The following SORL1 variants were observed in gnomAD, a reference collection of about 807,000 sequenced individuals.
SORL1 encodes sortilin related receptor 1.
SORL1 carries 127 observed loss-of-function variants against 273.7 expected under a neutral mutation model. The observed-to-expected ratio is 0.46, with a 90% CI of 0.40 to 0.54. SORL1 has a LOEUF of 0.54. SORL1 is among the 20% of genes least tolerant of loss of function. SORL1 has a pLI of 0.00. For synonymous variants in SORL1, 1,031 were observed against 1,067.4 expected (o/e 0.97, Z 0.66); for missense variants, 2,494 against 2,846.1 (o/e 0.88, Z 2.81).
At chr11:121,610,762 T>A in intron 38 of SORL1, 1 of 253,318 alleles carries the variant, frequency 3.9e-6, no homozygotes, top group Non-Finnish European at 7.6e-6. Context: ...CAGTGAATGA[T>A]CCCTGTTCCT....
At chr11:121,545,191 A>T in intron 13 of SORL1, 52 bp from the exon 14 acceptor site, 3 of 1,578,420 alleles carry the variant, frequency 1.9e-6, no homozygotes, top group Non-Finnish European at 2.6e-6. Flanking sequence ...ATAGCAGGAA[A>T]CCCTACATGG....
intron 9 of SORL1, among the ~76,000 whole-genome samples, chr11:121,522,016 C>A (rs921546471): frequency 6.6e-6 from 1 of 152,160 alleles, no homozygotes; most frequent in East Asian, 1.9e-4. Flanking sequence ...TCGCTTGAAG[C>A]CTTGCCCTGT....
chr11:121,549,206 C>T (rs952580009), intron 14 of SORL1, among the ~76,000 whole-genome samples: 3 of 152,030 alleles, frequency 2.0e-5, no homozygotes, highest in Non-Finnish European at 2.9e-5. Flanking sequence ...TCTTAAATAA[C>T]ATTGAACCCC....
intron 12 of SORL1, among the ~76,000 whole-genome samples, chr11:121,542,737 T>A (rs1476509759): frequency 1.3e-5 from 2 of 151,926 alleles, no homozygotes; most frequent in Non-Finnish European, 2.9e-5. Context: ...GCCCCAACAC[T>A]TTCACCGAAT....
In SORL1 at chr11:121,566,395, G is replaced by A. The variant is rs1388481304; in HGVS notation, c.3050-545G>A. On this transcript the variant is annotated intron_variant, in intron 21 of 47. Coordinates refer to ENST00000260197, the MANE Select transcript of SORL1 (RefSeq NM_003105.6). Reference sequence around the variant, plus strand: ...AAAAAAAAATTTTTTTTAAGGGATAGGATCTTGCTATATTGCCCAGGCTGG... The same window carrying A: ...AAAAAAAAATTTTTTTTAAGGGATAAGATCTTGCTATATTGCCCAGGCTGG... Among the ~76,000 whole-genome samples, 8 of 152,212 alleles carry A rather than the reference G, an allele frequency of 5.3e-5. No individual in the cohort carries two copies. The South Asian group carries it at 1.5e-3, about 28-fold the overall frequency.
chr11:121,620,575 G>GA lies in SORL1; in HGVS notation c.5890-487dup, dbSNP rs541058842. 9.0e-3 allele frequency among the ~76,000 whole-genome samples: 1,364 copies of GA among 152,224 alleles called. 7 individuals carry two copies. The highest frequency in any genetic ancestry group is 0.015 in the Non-Finnish European group (1,020 of 68,016). On this transcript the variant is annotated intron_variant, in intron 43 of 47. Coordinates refer to ENST00000260197, the MANE Select transcript of SORL1 (RefSeq NM_003105.6). ...AACTCTCCACTTCCTTGTCATGATT[G>GA]AATTTCCTGTGCTTACTATATGCCC...
chr11:121,502,427 T>C (rs1385014768), intron 6 of SORL1, among the ~76,000 whole-genome samples: 1 of 152,180 alleles, frequency 6.6e-6, no homozygotes, highest in Non-Finnish European at 1.5e-5. Flanking sequence ...TGAGCCACCA[T>C]GCCCGGCCGA....
At chr11:121,621,961 T>A (rs1863729262) in intron 44 of SORL1, among the ~76,000 whole-genome samples, 1 of 152,242 alleles carries the variant, frequency 6.6e-6, no homozygotes, top group South Asian at 2.1e-4. Context: ...TGGCTAAAGA[T>A]GTTATAACAA....
chr11:121,511,047 TTTAA>T (rs1310388760), intron 6 of SORL1, among the ~76,000 whole-genome samples: 22 of 152,318 alleles, frequency 1.4e-4, no homozygotes, highest in African/African-American at 5.1e-4. Context: ...TGTGCCATAG[TTTAA>T]TTGTTAATAT....
At chr11:121,541,639 GAA>G (rs1317852361) in intron 12 of SORL1, among the ~76,000 whole-genome samples, 1 of 152,150 alleles carries the variant, frequency 6.6e-6, no homozygotes, top group Non-Finnish European at 1.5e-5. Flanking sequence ...AAAGGTGAAA[GAA>G]AAAGTTTTGC....
rs183288636 is a variant in SORL1 at position 121,503,123 on chromosome 11, G to A, written c.939+6074G>A. On this transcript the variant is annotated intron_variant, in intron 6 of 47. Transcript: ENST00000260197. ...GGGCTCAAGCAGTCCTCCCACCTTG[G>A]CCTCCCAAAGTGTTGGGATTGTAGG... Among the ~76,000 whole-genome samples the A allele has an allele frequency of 8.5e-5, 13 of 152,170 alleles. No individual in the cohort carries two copies. In the East Asian group the frequency reaches 2.5e-3, roughly 29 times the overall value.
rs147707976 is a variant in SORL1, at chr11:121,494,376, C to T, written c.759-2493C>T. Among the ~76,000 whole-genome samples the T allele has an allele frequency of 2.0e-3, 308 of 152,130 alleles. 4 individuals are homozygous for T. The highest frequency in any genetic ancestry group is 7.2e-3 in the African/African-American group (297 of 41,476). ...TATACATTTGTTCAACAATGCTTGG[C>T]GAGTTGGGAGCAGCAGGAGTGGGAA... On this transcript the variant is annotated intron_variant, in intron 5 of 47. Coordinates refer to ENST00000260197, the MANE Select transcript of SORL1 (RefSeq NM_003105.6).
intron 18 of SORL1, among the ~76,000 whole-genome samples, chr11:121,555,900 C>T (rs1862575032): frequency 6.6e-6 from 1 of 152,164 alleles, no homozygotes; most frequent in African/African-American, 2.4e-5. Context: ...GTGCTCAGCT[C>T]ACTGCCTCAG....
chr11:121,524,366 C>T (rs143706704), intron 11 of SORL1, among the ~76,000 whole-genome samples: 10 of 152,322 alleles, frequency 6.6e-5, no homozygotes, highest in Non-Finnish European at 4.4e-5. Flanking sequence ...GAAGTGGTAT[C>T]GTCTGGTGAT....
chr11:121,561,969 T>A (rs1353398906), intron 21 of SORL1, among the ~76,000 whole-genome samples: 2 of 152,210 alleles, frequency 1.3e-5, no homozygotes, highest in African/African-American at 4.8e-5. Context: ...CAGTGGTGTC[T>A]GGCTGTCAGC....
Position 121,557,423 on chromosome 11 carries a change from A to T in SORL1, c.2663+18A>T. 1 of 1,574,862 alleles carries T rather than the reference A, an allele frequency of 6.3e-7. No homozygotes were observed. The highest frequency in any genetic ancestry group is 1.3e-5 in the African/African-American group (1 of 74,216). ...CAAGAGGGGTAAGTGTTGCCCCAAA[A>T]GGAAATCAGTCTTGCGTCCAATGCT... On this transcript the variant is annotated intron_variant, in intron 19 of 47. Coordinates refer to ENST00000260197, the MANE Select transcript of SORL1 (RefSeq NM_003105.6).
chr11:121,569,225 C>T (rs951078561), intron 22 of SORL1, among the ~76,000 whole-genome samples: 7 of 152,100 alleles, frequency 4.6e-5, no homozygotes, highest in Non-Finnish European at 8.8e-5. Context: ...GGATGTATGT[C>T]GCCTCAGGAC....
In SORL1 at chr11:121,567,078, G is replaced by T. The variant is rs150774385; in HGVS notation, c.3188G>T (p.Gly1063Val). 1.4e-5 allele frequency: 22 copies of T among 1,613,974 alleles called. No individual in the cohort carries two copies. Among genetic ancestry groups the T allele is most frequent in the Non-Finnish European group, 1.8e-5 (21 of 1,179,950 alleles). ...SGDLMCDCPQGYQLKNNTCVK... is the reference protein window; with the variant it reads ...SGDLMCDCPQVYQLKNNTCVK... Reference sequence around the variant, plus strand: ...GACCTGATGTGTGACTGCCCTCAGGGCTATCAGCTCAAGAACAATACCTGT... The same window carrying T: ...GACCTGATGTGTGACTGCCCTCAGGTCTATCAGCTCAAGAACAATACCTGT... The change falls in exon 22 of 48, where the codon GGC becomes GTC. Residue 1063 changes from glycine (G) to valine (V), a missense_variant. Around this residue, in one of 3 missense-constraint regions of SORL1, gnomAD observed 1,609 missense variants for 1,816.4 expected, o/e 0.89. Transcript: ENST00000260197.
rs113065344 is a variant in SORL1, at chr11:121,608,295, T to G, written c.5239+119T>G. On this transcript the variant is annotated intron_variant, in intron 38 of 47. Transcript: ENST00000260197. ...TTAGAAAAACATCACACAACTTTCT[T>G]CTCCCCAACACACGCACATTTTTGG... is the stretch of plus-strand genomic sequence containing the variant. 4.6e-5 allele frequency: 38 copies of G among 819,952 alleles called. No homozygotes were observed. In the African/African-American group the frequency reaches 5.7e-4, roughly 12 times the overall value. 50.8% of individuals were successfully genotyped at this position (819,952 alleles called of 1,614,324 possible).
Sources: allele counts gnomAD v4.1 joint callset (sites outside exome capture counted in the v4.1 genomes callset), GRCh38; gene constraint gnomAD v4.1.1; regional missense constraint gnomAD v4.1.1; transcripts MANE v1.5; gene names NCBI Gene and HGNC (gene_info 2026-07-23, HGNC 2026-07-21).